Variants in AGMO observed in about 807,000 individuals in gnomAD.
AGMO encodes the protein glyceryl-ether monooxygenase.
AGMO carries 75 observed loss-of-function variants against 60.2 expected under a neutral mutation model. The observed-to-expected ratio is 1.25, with a 90% CI of 1.03 to 1.51. The LOEUF (loss-of-function observed/expected upper bound fraction) is 1.51. AGMO is among the 40% of genes most tolerant of loss of function. AGMO has a pLI of 0.00. For synonymous variants in AGMO, 261 were observed against 177.1 expected (o/e 1.47, Z -3.76); for missense variants, 763 against 525.5 (o/e 1.45, Z -4.42).
At chr7:15,245,651 G>C (rs540099384) in intron 12 of AGMO, among the ~76,000 whole-genome samples, 3 of 152,154 alleles carry the variant, frequency 2.0e-5, no homozygotes, top group Non-Finnish European at 4.4e-5. Flanking sequence ...AGTGCCTAAA[G>C]TTATGAACAA....
At chr7:15,260,612 G>A (rs971714116) in intron 12 of AGMO, among the ~76,000 whole-genome samples, 7 of 152,076 alleles carry the variant, frequency 4.6e-5, no homozygotes, top group African/African-American at 1.7e-4. Context: ...AGGTCATCAA[G>A]ACAGAAAGTC....
chr7:15,292,751 CTTTTTTTTTTTTTTTT>C lies in AGMO; in HGVS notation c.1263+72747_1263+72762del, dbSNP rs765222435. ...AATACAGTCTCCTCCTTTTTTTTTC[CTTTTTTTTTTTTTTTT>C]TTTTTTTGAGACATAGTCTCACTCT... On this transcript the variant is annotated intron_variant, in intron 12 of 12. Coordinates refer to ENST00000342526, the MANE Select transcript of AGMO (RefSeq NM_001004320.2). Among the ~76,000 whole-genome samples the C allele has an allele frequency of 3.2e-5, 3 of 95,130 alleles. No homozygotes were observed. The Admixed American group carries it at 4.1e-4, about 13-fold the overall frequency. The allele number at this position is 95,130 out of a possible 152,430, so 62.4% of individuals were successfully genotyped here.
chr7:15,309,045 T>C (rs1267527674), intron 12 of AGMO, among the ~76,000 whole-genome samples: 1 of 152,158 alleles, frequency 6.6e-6, no homozygotes, highest in Non-Finnish European at 1.5e-5. Context: ...GGCACTGGGC[T>C]GAAACCATTT....
At chr7:15,388,776 T>C (rs1489350876) in intron 8 of AGMO, among the ~76,000 whole-genome samples, 1 of 152,142 alleles carries the variant, frequency 6.6e-6, no homozygotes, top group Non-Finnish European at 1.5e-5. Flanking sequence ...GGAATGGAAG[T>C]GAAAATAAGT....
At chr7:15,499,124 A>G (rs547472851) in intron 3 of AGMO, among the ~76,000 whole-genome samples, 1 of 152,004 alleles carries the variant, frequency 6.6e-6, no homozygotes, top group Admixed American at 6.6e-5. Context: ...GTGAACACCT[A>G]GGGAATGATA....
chr7:15,355,427 T>G (rs979203061), intron 12 of AGMO, among the ~76,000 whole-genome samples: 1 of 135,766 alleles, frequency 7.4e-6, no homozygotes, highest in East Asian at 2.2e-4. Flanking sequence ...AGCGTGAACC[T>G]GGGAGGTGGA....
intron 2 of AGMO, among the ~76,000 whole-genome samples, chr7:15,556,011 C>G (rs2115307525): frequency 6.6e-6 from 1 of 151,898 alleles, no homozygotes; most frequent in Admixed American, 6.6e-5. Flanking sequence ...TCATTTATTT[C>G]TTATTTTGGA....
intron 3 of AGMO, among the ~76,000 whole-genome samples, chr7:15,466,323 A>AATTTT (rs1782287187): frequency 1.3e-5 from 2 of 152,154 alleles, no homozygotes; most frequent in Admixed American, 6.6e-5. Flanking sequence ...GGGTAATCTG[A>AATTTT]ATTTTATGCA....
chr7:15,378,749 T>G (rs1393508684), intron 10 of AGMO, among the ~76,000 whole-genome samples: 2 of 151,720 alleles, frequency 1.3e-5, no homozygotes, highest in Non-Finnish European at 2.9e-5. Context: ...AATTCTATAG[T>G]GCCTTTCTAA....
the AGMO span, among the ~76,000 whole-genome samples, chr7:15,157,574 C>T: frequency 6.6e-6 from 1 of 152,282 alleles, no homozygotes; most frequent in African/African-American, 2.4e-5. Flanking sequence ...CCCACACTCC[C>T]ACCCCTGTAG....
At chr7:15,118,525 A>C in the AGMO span, among the ~76,000 whole-genome samples, 5 of 152,084 alleles carry the variant, frequency 3.3e-5, no homozygotes, top group Non-Finnish European at 5.9e-5. Flanking sequence ...CTAACAAAAA[A>C]CAGCTTTCCT....
intron 3 of AGMO, among the ~76,000 whole-genome samples, chr7:15,493,047 A>G (rs1783110374): frequency 6.6e-6 from 1 of 152,128 alleles, no homozygotes; most frequent in Non-Finnish European, 1.5e-5. Context: ...ATAGATTCCT[A>G]AGAGTGGAAG....
chr7:15,428,388 A>T (rs995255666), intron 4 of AGMO, among the ~76,000 whole-genome samples: 3 of 152,178 alleles, frequency 2.0e-5, no homozygotes, highest in Admixed American at 2.0e-4. Context: ...CTTGTCATGC[A>T]TTCTCAATGT....
At chr7:15,152,524 T>C in the AGMO span, among the ~76,000 whole-genome samples, 1 of 152,086 alleles carries the variant, frequency 6.6e-6, no homozygotes, top group Non-Finnish European at 1.5e-5. Flanking sequence ...CTTTCCAAAG[T>C]CCATTGTTTA....
Position 15,456,275 on chromosome 7 carries a change from T to G in AGMO, c.410-25167A>C, listed in dbSNP as rs138897553. On this transcript the variant is annotated intron_variant, in intron 3 of 12. Coordinates refer to ENST00000342526, the MANE Select transcript of AGMO (RefSeq NM_001004320.2). ...ACAATACTACTCTAAGATGCTAGTA[T>G]AATGTAATTTTAAAACTATTTTTAT... 2.5e-4 allele frequency among the ~76,000 whole-genome samples: 38 copies of G among 152,280 alleles called. No homozygotes were observed. In the East Asian group the frequency reaches 6.9e-3, roughly 28 times the overall value.
chr7:15,194,613 G>A, the AGMO span, among the ~76,000 whole-genome samples: 1 of 152,020 alleles, frequency 6.6e-6, no homozygotes, highest in Non-Finnish European at 1.5e-5. Flanking sequence ...CCCACCCTGT[G>A]AATAATATAA....
At chr7:15,397,739 A>G (rs568969136) in intron 5 of AGMO, among the ~76,000 whole-genome samples, 2 of 152,326 alleles carry the variant, frequency 1.3e-5, no homozygotes, top group African/African-American at 2.4e-5. Flanking sequence ...TAATTCATAC[A>G]ATGGAGCTCA....
chr7:15,171,233 A>G, the AGMO span, among the ~76,000 whole-genome samples: 2 of 152,154 alleles, frequency 1.3e-5, no homozygotes, highest in African/African-American at 2.4e-5. Context: ...CACCTGCCTC[A>G]GCCTCCCAAA....
At chr7:15,325,641 C>A (rs1234066481) in intron 12 of AGMO, among the ~76,000 whole-genome samples, 3 of 151,796 alleles carry the variant, frequency 2.0e-5, no homozygotes, top group Admixed American at 6.6e-5. Context: ...AAAAATAACT[C>A]AAAACTTTAA....
Sources: allele counts gnomAD v4.1 joint callset (sites outside exome capture counted in the v4.1 genomes callset), GRCh38; gene constraint gnomAD v4.1.1; transcripts MANE v1.5; gene names NCBI Gene and HGNC (gene_info 2026-07-23, HGNC 2026-07-21).